Variants in IFNA10 observed in about 807,000 individuals in gnomAD.
IFNA10 encodes the protein interferon alpha-10.
For synonymous variants in IFNA10, 96 were observed against 83.7 expected (o/e 1.15, Z -0.80); for missense variants, 246 against 213.0 (o/e 1.15, Z -0.96).
chr9:21,206,359 C>T lies in IFNA10; in HGVS notation c.*169G>A, dbSNP rs1464203837. ...CATCAGAATGGTCATCTGTAAAGGA[C>T]TAGTGCCTGCACAGGTATACACGAC... On this transcript the variant is annotated 3_prime_UTR_variant, in exon 1 of 1. Transcript: ENST00000357374. The T allele has an allele frequency of 1.0e-6, 1 of 984,892 alleles. No homozygotes were observed. The highest frequency in any genetic ancestry group is 1.5e-6 in the Non-Finnish European group (1 of 669,098). The allele number at this position is 984,892 out of a possible 1,614,324, so 61.0% of individuals were successfully genotyped here. A position where few individuals can be genotyped will look rare whatever the true frequency, so the allele number is the denominator to read the frequency against.
chr9:21,206,432 C>T lies in IFNA10; in HGVS notation c.*96G>A. The T allele has an allele frequency of 3.8e-6, 6 of 1,570,012 alleles. No individual in the cohort carries two copies. The highest frequency in any genetic ancestry group is 3.6e-5 in the South Asian group (3 of 84,284). ...ATTTGAAAATTTTGATTCAACGCGTCGTGGTTATAGAAGTGAGTCTTTGAA... is the reference window on the plus strand; with the variant it reads ...ATTTGAAAATTTTGATTCAACGCGTTGTGGTTATAGAAGTGAGTCTTTGAA... On this transcript the variant is annotated 3_prime_UTR_variant, in exon 1 of 1. Coordinates refer to ENST00000357374, the MANE Select transcript of IFNA10 (RefSeq NM_002171.2).
rs973391525 is a variant in IFNA10, at chr9:21,206,382, G to C, written c.*146C>G. On this transcript the variant is annotated 3_prime_UTR_variant, in exon 1 of 1. Coordinates refer to ENST00000357374, the MANE Select transcript of IFNA10 (RefSeq NM_002171.2). ...GACTAGTGCCTGCACAGGTATACACGACACTTCTTTACACTGCTGAAAACA... is the reference window on the plus strand; with the variant it reads ...GACTAGTGCCTGCACAGGTATACACCACACTTCTTTACACTGCTGAAAACA... The C allele has an allele frequency of 7.4e-7, 1 of 1,343,214 alleles. No homozygotes were observed. The highest frequency in any genetic ancestry group is 1.0e-6 in the Non-Finnish European group (1 of 979,946). 83.2% of individuals were successfully genotyped at this position (1,343,214 alleles called of 1,614,324 possible).
chr9:21,206,633 T>C lies in IFNA10; in HGVS notation c.465A>G (p.Ile155Met), dbSNP rs1188728730. The C allele has an allele frequency of 1.2e-5, 19 of 1,613,836 alleles. No individual in the cohort carries two copies. The highest frequency in any genetic ancestry group is 3.3e-5 in the Admixed American group (2 of 59,982). ...AGGCACAAGGGCTGTATTTCCTCTC[T>C]ATTAGATAAAGAGTGATTCTTTGGA... ...KYFQRITLYLIERKYSPCAWE... is the reference protein window; with the variant it reads ...KYFQRITLYLMERKYSPCAWE... Residue 155 changes from isoleucine (I) to methionine (M), a missense_variant, in exon 1 of 1, where the codon ATA (isoleucine) becomes ATG (methionine). Coordinates refer to ENST00000357374, the MANE Select transcript of IFNA10 (RefSeq NM_002171.2).
Position 21,207,106 on chromosome 9 carries a change from T to C in IFNA10, c.-9A>G. ...GAAAAGGACAGGGCCATTGGGATGT[T>C]GCAAATATTGCTAGGCTACTTGAGA... On this transcript the variant is annotated 5_prime_UTR_variant, in exon 1 of 1. Transcript: ENST00000357374. 6.3e-7 allele frequency: 1 copy of C among 1,588,014 alleles called. No individual in the cohort carries two copies. Among genetic ancestry groups the C allele is most frequent in the Non-Finnish European group, 8.6e-7 (1 of 1,168,962 alleles).
chr9:21,206,500 C>T lies in IFNA10; in HGVS notation c.*28G>A. ...AGTGTGAGATAATGTATTAGTCAAT[C>T]AGGATCATTGCCATGTTGAACCAGT... On this transcript the variant is annotated 3_prime_UTR_variant, in exon 1 of 1. Transcript: ENST00000357374. 1 of 1,611,460 alleles carries T rather than the reference C, an allele frequency of 6.2e-7. No homozygotes were observed. The highest frequency in any genetic ancestry group is 1.1e-5 in the South Asian group (1 of 90,730).
rs1034194453 is a variant in IFNA10 at position 21,206,321 on chromosome 9, A to T, written c.*207T>A. ...ATAATTAAATAAATATTTAAACAAA[A>T]GATGAACAGAGACATCAGAATGGTC... On this transcript the variant is annotated 3_prime_UTR_variant, in exon 1 of 1. Coordinates refer to ENST00000357374, the MANE Select transcript of IFNA10 (RefSeq NM_002171.2). 2 of 537,872 alleles carry T rather than the reference A, an allele frequency of 3.7e-6. No individual in the cohort carries two copies. The highest frequency in any genetic ancestry group is 7.8e-5 in the Admixed American group (2 of 25,510). 33.3% of individuals were successfully genotyped at this position (537,872 alleles called of 1,614,324 possible).
chr9:21,206,797 C>G lies in IFNA10; in HGVS notation c.301G>C (p.Glu101Gln). Residue 101 changes from glutamate to glutamine, a missense_variant, in exon 1 of 1, where the codon GAA becomes CAA. Coordinates refer to ENST00000357374, the MANE Select transcript of IFNA10 (RefSeq NM_002171.2). The stretch of plus-strand genomic sequence containing the variant: ...GAAAATTTTTCTAGGAGGCTCTGTT[C>G]CCAAGCAGCAGATGAGTCCTCTGTG... ...FSTEDSSAAW[E>Q]QSLLEKFSTE... is the part of the protein sequence containing the mutation. 6.2e-7 allele frequency: 1 copy of G among 1,612,896 alleles called. No individual in the cohort carries two copies.
rs752204712 is a variant in IFNA10, at chr9:21,206,919, C to T, written c.179G>A (p.Arg60Gln). ...FSCLKDRHDF[R>Q]IPQEEFDGNQ... ...GCCATCAAACTCCTCCTGGGGGATT[C>T]GGAAATCATGTCTGTCCTTCAGGCA... Residue 60 changes from arginine (R) to glutamine (Q), a missense_variant, in exon 1 of 1, where the codon CGA becomes CAA. Transcript: ENST00000357374. The T allele has an allele frequency of 1.6e-5, 26 of 1,613,658 alleles. No individual in the cohort carries two copies. The Admixed American group carries it at 1.7e-4, about 10-fold the overall frequency.
rs1818286552 is a variant in IFNA10 at position 21,207,070 on chromosome 9, C to A, written c.28G>T (p.Ala10Ser). MALSFSLLM[A>S]VLVLSYKSIC... The stretch of plus-strand genomic sequence containing the variant: ...GATTTGTAGCTGAGCACCAGCACGG[C>A]CATAAGTAAAGAAAAGGACAGGGCC... Residue 10 changes from alanine to serine, a missense_variant, in exon 1 of 1, where the codon GCC becomes TCC. Coordinates refer to ENST00000357374, the MANE Select transcript of IFNA10 (RefSeq NM_002171.2). The A allele has an allele frequency of 6.2e-7, 1 of 1,610,098 alleles. No homozygotes were observed. Among genetic ancestry groups the A allele is most frequent in the Non-Finnish European group, 8.5e-7 (1 of 1,178,550 alleles).
In IFNA10 at chr9:21,206,990, C is replaced by A. The variant is rs561941220; in HGVS notation, c.108G>T (p.Arg36Ser). 130 of 1,613,774 alleles carry A rather than the reference C, an allele frequency of 8.1e-5. No individual in the cohort carries two copies. The highest frequency in any genetic ancestry group is 1.0e-4 in the Non-Finnish European group (121 of 1,179,978). Residue 36 changes from arginine to serine, a missense_variant, in exon 1 of 1, where the codon AGG becomes AGT. Physicochemically the swap from Arg to Ser is moderately radical, Grantham distance 110. Coordinates refer to ENST00000357374, the MANE Select transcript of IFNA10 (RefSeq NM_002171.2). ...CCATTTGTCCCAGGAGTATCAAGGCCCTCCTATTACCCAGGCTGTGGGTCT... is the reference window on the plus strand; with the variant it reads ...CCATTTGTCCCAGGAGTATCAAGGCACTCCTATTACCCAGGCTGTGGGTCT... ...LPQTHSLGNR[R>S]ALILLGQMGR...
At position 21,207,001 on chromosome 9, in the gene IFNA10, C is replaced by G. The variant is rs10113875; in HGVS notation, c.97G>C (p.Gly33Arg). The G allele has an allele frequency of 0.23, 362,975 of 1,585,982 alleles. 48,179 individuals carry two copies. Among genetic ancestry groups the G allele is most frequent in the East Asian group, 0.54 (24,012 of 44,644 alleles). The change falls in exon 1 of 1, where the codon GGT becomes CGT. Residue 33 changes from glycine to arginine, a missense_variant. Gly to Arg is a moderately radical substitution (Grantham distance 125, BLOSUM62 -2). Transcript: ENST00000357374. ...AGGAGTATCAAGGCCCTCCTATTAC[C>G]CAGGCTGTGGGTCTGAGGCAGATCA... ...GCDLPQTHSL[G>R]NRRALILLGQ...
In IFNA10 at chr9:21,207,045, G is replaced by T. The variant is rs1460333563; in HGVS notation, c.53C>A (p.Ser18Tyr). ...LMAVLVLSYKSICSLGCDLPQ... is the reference protein window; with the variant it reads ...LMAVLVLSYKYICSLGCDLPQ... ...CAGATCACAGCCTAGAGAACAGATG[G>T]ATTTGTAGCTGAGCACCAGCACGGC... Residue 18 changes from serine (S) to tyrosine (Y), a missense_variant, in exon 1 of 1, where the codon TCC becomes TAC. By Grantham distance (144) the Ser-to-Tyr change is moderately radical. Coordinates refer to ENST00000357374, the MANE Select transcript of IFNA10 (RefSeq NM_002171.2). 1 of 1,611,152 alleles carries T rather than the reference G, an allele frequency of 6.2e-7. No homozygotes were observed. Among genetic ancestry groups the T allele is most frequent in the African/African-American group, 1.3e-5 (1 of 74,416 alleles).
At position 21,206,285 on chromosome 9, in the gene IFNA10, A is replaced by T; in HGVS notation, c.*243T>A. 1 of 375,828 alleles carries T rather than the reference A, an allele frequency of 2.7e-6. No homozygotes were observed. Among genetic ancestry groups the T allele is most frequent in the African/African-American group, 2.1e-5 (1 of 47,438 alleles). The allele number at this position is 375,828 out of a possible 1,614,324, so 23.3% of individuals were successfully genotyped here. On this transcript the variant is annotated 3_prime_UTR_variant, in exon 1 of 1. Transcript: ENST00000357374. Reference sequence around the variant, plus strand: ...TGTAAAGCGACTCATGATATTACATAAATTTTAAAAATAATTAAATAAATA... The same window carrying T: ...TGTAAAGCGACTCATGATATTACATTAATTTTAAAAATAATTAAATAAATA...
chr9:21,207,070 C>T lies in IFNA10; in HGVS notation c.28G>A (p.Ala10Thr). Reference sequence around the variant, plus strand: ...GATTTGTAGCTGAGCACCAGCACGGCCATAAGTAAAGAAAAGGACAGGGCC... The same window carrying T: ...GATTTGTAGCTGAGCACCAGCACGGTCATAAGTAAAGAAAAGGACAGGGCC... MALSFSLLM[A>T]VLVLSYKSIC... The change falls in exon 1 of 1, where the codon GCC (alanine) becomes ACC (threonine). Residue 10 changes from alanine to threonine, a missense_variant. Physicochemically the swap from Ala to Thr is moderately conservative, Grantham distance 58 (BLOSUM62 0). Coordinates refer to ENST00000357374, the MANE Select transcript of IFNA10 (RefSeq NM_002171.2). The T allele has an allele frequency of 1.9e-6, 3 of 1,610,098 alleles. No individual in the cohort carries two copies. Among genetic ancestry groups the T allele is most frequent in the Non-Finnish European group, 2.5e-6 (3 of 1,178,550 alleles).
rs146050078 is a variant in IFNA10 at position 21,206,607 on chromosome 9, C to A, written c.491G>T (p.Trp164Leu). Residue 164 changes from tryptophan to leucine, a missense_variant, in exon 1 of 1, where the codon TGG becomes TTG. Transcript: ENST00000357374. ...LIERKYSPCAWEVVRAEIMRS... is the reference protein window; with the variant it reads ...LIERKYSPCALEVVRAEIMRS... Reference sequence around the variant, plus strand: ...CATGATTTCTGCTCTGACAACCTCCCAGGCACAAGGGCTGTATTTCCTCTC... The same window carrying A: ...CATGATTTCTGCTCTGACAACCTCCAAGGCACAAGGGCTGTATTTCCTCTC... 2 of 1,613,774 alleles carry A rather than the reference C, an allele frequency of 1.2e-6. No homozygotes were observed. Among genetic ancestry groups the A allele is most frequent in the African/African-American group, 2.7e-5 (2 of 74,736 alleles).
rs1818278713 is a variant in IFNA10, at chr9:21,206,776, A to G, written c.322T>C (p.Phe108Leu). The part of the protein sequence containing the change: ...AAWEQSLLEK[F>L]STELYQQLND... ...AGTTGCTGGTAAAGTTCAGTGGAAA[A>G]TTTTTCTAGGAGGCTCTGTTCCCAA... is the stretch of plus-strand genomic sequence containing the variant. Residue 108 changes from phenylalanine (F) to leucine (L), a missense_variant, in exon 1 of 1, where the codon TTT becomes CTT. Coordinates refer to ENST00000357374, the MANE Select transcript of IFNA10 (RefSeq NM_002171.2). The G allele has an allele frequency of 6.2e-7, 1 of 1,612,334 alleles. No individual in the cohort carries two copies. The highest frequency in any genetic ancestry group is 1.3e-5 in the African/African-American group (1 of 74,338).
In IFNA10 at chr9:21,206,420, G is replaced by C; in HGVS notation, c.*108C>G. ...ACTGCTGAAAACATTTGAAAATTTT[G>C]ATTCAACGCGTCGTGGTTATAGAAG... On this transcript the variant is annotated 3_prime_UTR_variant, in exon 1 of 1. Transcript: ENST00000357374. The C allele has an allele frequency of 1.9e-6, 3 of 1,549,616 alleles. No homozygotes were observed. Among genetic ancestry groups the C allele is most frequent in the Non-Finnish European group, 2.6e-6 (3 of 1,149,744 alleles).
At position 21,206,903 on chromosome 9, in the gene IFNA10, C is replaced by T. The variant is rs1351011499; in HGVS notation, c.195G>A (p.Glu65=). 6.2e-7 allele frequency: 1 copy of T among 1,613,864 alleles called. No individual in the cohort carries two copies. Among genetic ancestry groups the T allele is most frequent in the East Asian group, 2.2e-5 (1 of 44,878 alleles). Residue 65 remains glutamate, a synonymous_variant, in exon 1 of 1, where the codon GAG becomes GAA. Transcript: ENST00000357374. ...CCTTCTGGAACTGGTTGCCATCAAA[C>T]TCCTCCTGGGGGATTCGGAAATCAT... ...DRHDFRIPQE[E]FDGNQFQKAQ...
Position 21,206,467 on chromosome 9 carries a change from C to G in IFNA10, c.*61G>C. ...GAAGTGAGTCTTTGAAATGGAAGAA[C>G]TCATGAAAGTGTGAGATAATGTATT... On this transcript the variant is annotated 3_prime_UTR_variant, in exon 1 of 1. Coordinates refer to ENST00000357374, the MANE Select transcript of IFNA10 (RefSeq NM_002171.2). The G allele has an allele frequency of 6.3e-7, 1 of 1,589,470 alleles. No individual in the cohort carries two copies. Among genetic ancestry groups the G allele is most frequent in the African/African-American group, 1.4e-5 (1 of 72,956 alleles).
Sources: allele counts gnomAD v4.1 joint callset, GRCh38; gene constraint gnomAD v4.1.1; transcripts MANE v1.5; gene names NCBI Gene and HGNC (gene_info 2026-07-23, HGNC 2026-07-21).